Variants in CALCRL observed in about 807,000 individuals in gnomAD.
CALCRL encodes calcitonin gene-related peptide type 1 receptor.
A neutral mutation model predicts 60.4 loss-of-function variants in CALCRL; 27 were observed. The observed-to-expected ratio is 0.45, with a 90% CI of 0.33 to 0.62. The LOEUF is 0.62. Among genes scored for constraint, CALCRL ranks in the 20% least tolerant of loss-of-function variants. CALCRL has a pLI of 0.03. For synonymous variants in CALCRL, 190 were observed against 182.6 expected (o/e 1.04, Z -0.33); for missense variants, 424 against 540.7 (o/e 0.78, Z 2.14).
At chr2:187,431,907 G>C (rs1202009937) in intron 1 of CALCRL, among the ~76,000 whole-genome samples, 5 of 152,112 alleles carry the variant, frequency 3.3e-5, no homozygotes, top group African/African-American at 1.2e-4. Context: ...AAGCATCTCT[G>C]AAGAGGTGGT....
At chr2:187,414,432 C>T (rs556669091) in intron 1 of CALCRL, among the ~76,000 whole-genome samples, 3 of 152,178 alleles carry the variant, frequency 2.0e-5, no homozygotes, top group South Asian at 2.1e-4. Flanking sequence ...ATCACTCACA[C>T]GTCTTAATGT....
intron 1 of CALCRL, among the ~76,000 whole-genome samples, chr2:187,402,890 A>T (rs1227213739): frequency 6.6e-6 from 1 of 151,776 alleles, no homozygotes; most frequent in Non-Finnish European, 1.5e-5. Flanking sequence ...ATGAAATATG[A>T]TGGTATTTGG....
intron 12 of CALCRL, among the ~76,000 whole-genome samples, chr2:187,355,860 A>T (rs866406479): frequency 6.6e-6 from 1 of 151,944 alleles, no homozygotes; most frequent in East Asian, 1.9e-4. Context: ...ACAATAATAG[A>T]CAAACAGAGA....
chr2:187,397,520 C>T (rs1332344578), intron 1 of CALCRL, among the ~76,000 whole-genome samples: 1 of 151,488 alleles, frequency 6.6e-6, no homozygotes, highest in Non-Finnish European at 1.5e-5. Context: ...CATAAAACCT[C>T]CCAAATTTTA....
At chr2:187,409,359 T>C (rs934455602) in intron 1 of CALCRL, among the ~76,000 whole-genome samples, 4 of 152,232 alleles carry the variant, frequency 2.6e-5, no homozygotes, top group African/African-American at 9.6e-5. Flanking sequence ...TATTTTCTGA[T>C]ATTTTCTTTC....
intron 1 of CALCRL, among the ~76,000 whole-genome samples, chr2:187,395,336 C>T (rs1198488649): frequency 6.6e-6 from 1 of 152,056 alleles, no homozygotes; most frequent in Non-Finnish European, 1.5e-5. Flanking sequence ...TTACATGTCA[C>T]TTGTACTCAT....
intron 1 of CALCRL, among the ~76,000 whole-genome samples, chr2:187,441,187 C>T (rs533071329): frequency 1.5e-4 from 23 of 151,902 alleles, no homozygotes; most frequent in African/African-American, 3.4e-4. Flanking sequence ...CATAAAATTG[C>T]GAACACAGTG....
At chr2:187,372,211 T>G (rs1687558390) in intron 8 of CALCRL, among the ~76,000 whole-genome samples, 1 of 152,170 alleles carries the variant, frequency 6.6e-6, no homozygotes, top group African/African-American at 2.4e-5. Flanking sequence ...ATGCTCTCTT[T>G]TCTGTGGAAA....
At chr2:187,382,697 A>G (rs1375155876) in intron 5 of CALCRL, among the ~76,000 whole-genome samples, 1 of 152,262 alleles carries the variant, frequency 6.6e-6, no homozygotes, top group East Asian at 1.9e-4. Flanking sequence ...AAAGCAAAAG[A>G]ATATCTTAAT....
chr2:187,388,993 C>A (rs995956689), intron 1 of CALCRL, among the ~76,000 whole-genome samples: 1 of 151,336 alleles, frequency 6.6e-6, no homozygotes, highest in East Asian at 1.9e-4. Flanking sequence ...TTTAAGGATT[C>A]TTTCTGATGG....
chr2:187,402,099 A>T (rs1166670913), intron 1 of CALCRL, among the ~76,000 whole-genome samples: 1 of 151,658 alleles, frequency 6.6e-6, no homozygotes, highest in Non-Finnish European at 1.5e-5. Flanking sequence ...TAAAATGTTG[A>T]TATACTAAAA....
intron 7 of CALCRL, among the ~76,000 whole-genome samples, 176 bp from the exon 8 acceptor site, chr2:187,379,207 G>A (rs1687889529): frequency 6.6e-6 from 1 of 152,014 alleles, no homozygotes; most frequent in African/African-American, 2.4e-5. Flanking sequence ...TGTCTGGAAT[G>A]AAAAATATCT....
At chr2:187,396,000 A>G (rs2105812285) in intron 1 of CALCRL, among the ~76,000 whole-genome samples, 1 of 128,766 alleles carries the variant, frequency 7.8e-6, no homozygotes, top group Admixed American at 8.7e-5. Context: ...TAGCCTTAAA[A>G]CCAAATCTCT....
intron 1 of CALCRL, among the ~76,000 whole-genome samples, chr2:187,415,137 T>C (rs1415910400): frequency 1.3e-5 from 2 of 152,218 alleles, no homozygotes; most frequent in East Asian, 3.9e-4. Flanking sequence ...TGCATCCTAC[T>C]GGTAAAAGTG....
intron 8 of CALCRL, among the ~76,000 whole-genome samples, chr2:187,372,801 C>G (rs998124883): frequency 6.6e-6 from 1 of 152,250 alleles, no homozygotes; most frequent in African/African-American, 2.4e-5. Flanking sequence ...TGTGAAACAT[C>G]AGCTCCTCTA....
At position 187,380,488 on chromosome 2, in the gene CALCRL, A is replaced by G. The variant is rs759723228; in HGVS notation, c.387T>C (p.Val129=). 2.6e-5 allele frequency: 41 copies of G among 1,604,330 alleles called. No homozygotes were observed. Among genetic ancestry groups the G allele is most frequent in the Admixed American group, 5.0e-5 (3 of 59,930 alleles). Residue 129 remains valine (V), a synonymous_variant, in exon 7 of 15, where the codon GTT becomes GTC. Transcript: ENST00000392370. ...RTWTNYTQCN[V]NTHEKVKTAL... is the part of the protein sequence containing the mutation. Reference sequence around the variant, plus strand: ...ATACCTTCACTTTCTCGTGGGTGTTAACATTACACTGGGTATAATTTGTCC... The same window carrying G: ...ATACCTTCACTTTCTCGTGGGTGTTGACATTACACTGGGTATAATTTGTCC...
At chr2:187,388,769 A>G (rs1464017147) in intron 1 of CALCRL, among the ~76,000 whole-genome samples, 1 of 151,974 alleles carries the variant, frequency 6.6e-6, no homozygotes, top group African/African-American at 2.4e-5. Context: ...CACATTCTTT[A>G]TAATTATGCA....
intron 4 of CALCRL, 104 bp from the exon 5 acceptor site, chr2:187,383,409 G>T: frequency 1.1e-6 from 1 of 888,886 alleles, no homozygotes; most frequent in Non-Finnish European, 1.6e-6. Context: ...GTGCGGTGAT[G>T]TACTGGAAGA....
intron 1 of CALCRL, among the ~76,000 whole-genome samples, chr2:187,442,948 G>T (rs1690986926): frequency 6.6e-6 from 1 of 151,792 alleles, no homozygotes; most frequent in African/African-American, 2.4e-5. Context: ...AATATATGTA[G>T]GATAAAACCA....
Sources: gnomAD v4.1 joint callset for allele counts (sites outside exome capture counted in the v4.1 genomes callset) on GRCh38, gnomAD v4.1.1 for gene constraint, MANE v1.5 for transcripts, NCBI Gene and HGNC (gene_info 2026-07-23, HGNC 2026-07-21) for gene names.